The following ATP6V1E1 variants were observed in gnomAD, a reference collection of about 807,000 sequenced individuals.
ATP6V1E1 encodes V-type proton ATPase subunit E 1.
A neutral mutation model predicts 35.2 loss-of-function variants in ATP6V1E1; 21 were observed. That is an observed-to-expected ratio of 0.60 (90% CI 0.42 to 0.86). ATP6V1E1 has a LOEUF of 0.86. Ranked by LOEUF, ATP6V1E1 falls within the 40% of genes least tolerant of loss-of-function variation. ATP6V1E1 has a pLI of 0.00. For missense variants in ATP6V1E1, 183 were observed against 272.6 expected (o/e 0.67, Z 2.32); for synonymous variants, 83 against 87.8 (o/e 0.95, Z 0.30).
rs914388870 is a variant in ATP6V1E1, at chr22:17,592,506, T to C, written c.*168A>G. The C allele has an allele frequency of 3.0e-5, 21 of 709,954 alleles. No homozygotes were observed. The highest frequency in any genetic ancestry group is 1.7e-4 in the Admixed American group (7 of 41,016). 44.0% of individuals were successfully genotyped at this position (709,954 alleles called of 1,614,324 possible). ...TCATATTACATGAAGCTTTCCACCA[T>C]TGTGAACAATTAGGCAAGGCATGAG... On this transcript the variant is annotated 3_prime_UTR_variant, in exon 9 of 9. Transcript: ENST00000253413.
chr22:17,603,772 A>G (rs1405439158), intron 4 of ATP6V1E1, among the ~76,000 whole-genome samples: 1 of 152,240 alleles, frequency 6.6e-6, no homozygotes, highest in African/African-American at 2.4e-5. Context: ...AACATTTCAG[A>G]TAAGGGATAC....
chr22:17,594,100 G>C (rs1215855105), intron 8 of ATP6V1E1, among the ~76,000 whole-genome samples: 1 of 152,174 alleles, frequency 6.6e-6, no homozygotes, highest in Non-Finnish European at 1.5e-5. Flanking sequence ...TACTCGGGAG[G>C]CTGAAGCAGG....
chr22:17,598,692 G>C (rs1366417618), intron 6 of ATP6V1E1, among the ~76,000 whole-genome samples: 1 of 152,172 alleles, frequency 6.6e-6, no homozygotes, highest in Admixed American at 6.5e-5. Context: ...ATGAGGGGGA[G>C]ACAGCAGGCA....
rs146072417 is a variant in ATP6V1E1 at position 17,625,126 on chromosome 22, A to C, written c.33+3477T>G. Among the ~76,000 whole-genome samples, 373 of 152,326 alleles carry C rather than the reference A, an allele frequency of 2.4e-3. 2 individuals carry two copies. The highest frequency in any genetic ancestry group is 8.3e-3 in the African/African-American group (345 of 41,584). ...TGTATGATTTCTTAAACTTCTCCAT[A>C]GATACTAATTTTGTCATCTCTATTT... On this transcript the variant is annotated intron_variant, in intron 1 of 8. Transcript: ENST00000253413.
intron 1 of ATP6V1E1, 119 bp downstream of exon 1, chr22:17,628,484 G>A: frequency 7.2e-7 from 1 of 1,392,186 alleles, no homozygotes; most frequent in Non-Finnish European, 1.0e-6. Context: ...GTGACTTGGA[G>A]CAAGGGACCT....
At chr22:17,621,439 G>A (rs1193255517) in intron 1 of ATP6V1E1, among the ~76,000 whole-genome samples, 1 of 152,114 alleles carries the variant, frequency 6.6e-6, no homozygotes, top group East Asian at 1.9e-4. Flanking sequence ...GGGACCATAG[G>A]TGCGTGTCAC....
chr22:17,599,903 A>G lies in ATP6V1E1; in HGVS notation c.435+124T>C, dbSNP rs5992075. ...ATCCCGCCATTGCACTCCATCCTGGACAACAGAGTGAGACTCCACCAAAAA... is the reference window on the plus strand; with the variant it reads ...ATCCCGCCATTGCACTCCATCCTGGGCAACAGAGTGAGACTCCACCAAAAA... On this transcript the variant is annotated intron_variant, in intron 6 of 8. Coordinates refer to ENST00000253413, the MANE Select transcript of ATP6V1E1 (RefSeq NM_001696.4). 0.32 allele frequency: 239,048 copies of G among 745,856 alleles called. 40,903 individuals carry two copies. The highest frequency in any genetic ancestry group is 0.4 in the African/African-American group (22,124 of 54,730). The allele number at this position is 745,856 out of a possible 1,614,324, so 46.2% of individuals were successfully genotyped here.
intron 1 of ATP6V1E1, among the ~76,000 whole-genome samples, chr22:17,627,692 G>A (rs984499407): frequency 4.6e-5 from 7 of 150,550 alleles, no homozygotes; most frequent in Non-Finnish European, 7.4e-5. Context: ...CTTGGGGCGC[G>A]AGTCTGTAAT....
chr22:17,606,463 GAAGTT>G (rs1269105878), intron 4 of ATP6V1E1, among the ~76,000 whole-genome samples: 3 of 149,532 alleles, frequency 2.0e-5, no homozygotes, highest in African/African-American at 7.5e-5. Context: ...ATGACGGCAA[GAAGTT>G]AAGACTGTAA....
chr22:17,598,951 G>A (rs947139632), intron 6 of ATP6V1E1, among the ~76,000 whole-genome samples: 35 of 152,178 alleles, frequency 2.3e-4, no homozygotes, highest in African/African-American at 7.2e-5. Flanking sequence ...TAAACACAAC[G>A]TGGGGCATCC....
chr22:17,616,455 G>C (rs1289622505), intron 2 of ATP6V1E1, among the ~76,000 whole-genome samples: 1 of 152,148 alleles, frequency 6.6e-6, no homozygotes, highest in Non-Finnish European at 1.5e-5. Context: ...AAGGCAGGTG[G>C]ACTGCCTGAG....
chr22:17,609,386 C>T (rs2057803136), intron 4 of ATP6V1E1, among the ~76,000 whole-genome samples: 1 of 151,208 alleles, frequency 6.6e-6, no homozygotes, highest in African/African-American at 2.4e-5. Flanking sequence ...TCTCAAACTC[C>T]TGACCTCAAG....
At chr22:17,611,887 A>AT (rs2057817309) in intron 4 of ATP6V1E1, among the ~76,000 whole-genome samples, 1 of 152,108 alleles carries the variant, frequency 6.6e-6, no homozygotes, top group Admixed American at 6.5e-5. Flanking sequence ...TATGTCTTCC[A>AT]TTTTTTCAAG....
At chr22:17,611,683 G>C (rs9605338) in intron 4 of ATP6V1E1, among the ~76,000 whole-genome samples, 1 of 152,134 alleles carries the variant, frequency 6.6e-6, no homozygotes, top group African/African-American at 2.4e-5. Flanking sequence ...CATTCTCCTA[G>C]TCTATCCACA....
chr22:17,613,763 C>G (rs1466746575), intron 2 of ATP6V1E1, among the ~76,000 whole-genome samples: 4 of 151,218 alleles, frequency 2.6e-5, no homozygotes, highest in Non-Finnish European at 5.9e-5. Context: ...GTCAGGAGAT[C>G]GAGATCATCC....
intron 4 of ATP6V1E1, among the ~76,000 whole-genome samples, chr22:17,607,845 T>C (rs1384603849): frequency 6.6e-6 from 1 of 152,162 alleles, no homozygotes; most frequent in Admixed American, 6.6e-5. Flanking sequence ...CCCCAGGTGA[T>C]TTTTATGCCC....
chr22:17,625,583 T>G (rs1251620148), intron 1 of ATP6V1E1, among the ~76,000 whole-genome samples: 1 of 151,964 alleles, frequency 6.6e-6, no homozygotes, highest in Non-Finnish European at 1.5e-5. Flanking sequence ...GGAAAAAATT[T>G]TATTGCTCAT....
chr22:17,614,723 C>T (rs1176799897), intron 2 of ATP6V1E1, among the ~76,000 whole-genome samples: 4 of 150,184 alleles, frequency 2.7e-5, no homozygotes, highest in African/African-American at 9.8e-5. Context: ...AATCCCAGCA[C>T]TTTGGGAGGC....
chr22:17,601,415 G>A (rs1279293273), intron 4 of ATP6V1E1, among the ~76,000 whole-genome samples: 5 of 152,088 alleles, frequency 3.3e-5, no homozygotes, highest in Non-Finnish European at 5.9e-5. Context: ...AATAGCTCAG[G>A]TAACCATCAG....
Sources: gnomAD v4.1 joint callset for allele counts (sites outside exome capture counted in the v4.1 genomes callset) on GRCh38, gnomAD v4.1.1 for gene constraint, MANE v1.5 for transcripts, NCBI Gene and HGNC (gene_info 2026-07-23, HGNC 2026-07-21) for gene names.